The following CPVL variants were observed in gnomAD, a reference collection of about 807,000 sequenced individuals.
The protein encoded by CPVL is carboxypeptidase vitellogenic like.
A neutral mutation model predicts 63.7 loss-of-function variants in CPVL; 51 were observed. That is an observed-to-expected ratio of 0.80 (90% CI 0.64 to 1.01). The LOEUF is 1.01. Among genes scored for constraint, CPVL ranks in the 50% least tolerant of loss-of-function variants. The pLI, the probability that CPVL is intolerant of heterozygous loss-of-function variation, is 0.00. For missense variants in CPVL, 530 were observed against 573.1 expected (o/e 0.92, Z 0.77); for synonymous variants, 195 against 206.0 (o/e 0.95, Z 0.46).
intron 11 of CPVL, among the ~76,000 whole-genome samples, chr7:29,057,328 T>C (rs922388513): frequency 6.6e-6 from 1 of 152,172 alleles, no homozygotes; most frequent in African/African-American, 2.4e-5. Context: ...TTTTCCCATT[T>C]CTAAATTGGG....
At chr7:29,054,309 G>C (rs186494728) in intron 11 of CPVL, among the ~76,000 whole-genome samples, 238 of 152,148 alleles carry the variant, frequency 1.6e-3, no homozygotes, top group South Asian at 0.011. Flanking sequence ...TTCTTTAGAA[G>C]CTCCTTTAGT....
intron 10 of CPVL, among the ~76,000 whole-genome samples, chr7:29,064,735 C>T (rs2128565026): frequency 6.6e-6 from 1 of 152,070 alleles, no homozygotes; most frequent in Non-Finnish European, 1.5e-5. Context: ...TGTTGGTGTG[C>T]TGCACTTATT....
At chr7:29,058,095 T>A (rs1400420250) in intron 11 of CPVL, among the ~76,000 whole-genome samples, 1 of 152,164 alleles carries the variant, frequency 6.6e-6, no homozygotes, top group Non-Finnish European at 1.5e-5. Flanking sequence ...GTATTGAATC[T>A]ATGGATCAAG....
chr7:29,091,193 GACC>G (rs1371168284), intron 6 of CPVL, among the ~76,000 whole-genome samples: 1 of 152,168 alleles, frequency 6.6e-6, no homozygotes, highest in Non-Finnish European at 1.5e-5. Context: ...AGAGGAGATG[GACC>G]ACATGTCAGC....
intron 3 of CPVL, among the ~76,000 whole-genome samples, chr7:29,102,073 G>A (rs1787199276): frequency 6.6e-6 from 1 of 152,138 alleles, no homozygotes; most frequent in Non-Finnish European, 1.5e-5. Flanking sequence ...CCATGAGCAG[G>A]CAGAATACTT....
intron 2 of CPVL, chr7:29,186,379 C>G (rs574699472): frequency 2.6e-5 from 4 of 152,256 alleles, no homozygotes; most frequent in Non-Finnish European, 5.9e-5. Context: ...GCCCAGGAGT[C>G]TGAGACAAGC....
At chr7:29,109,315 C>A (rs149569147) in intron 3 of CPVL, among the ~76,000 whole-genome samples, 93 of 152,290 alleles carry the variant, frequency 6.1e-4, no homozygotes, top group African/African-American at 2.2e-3. Flanking sequence ...ATTTAAGAAA[C>A]AGCATCCCCC....
intron 1 of CPVL, among the ~76,000 whole-genome samples, chr7:29,137,294 C>T (rs1169579935): frequency 6.6e-6 from 1 of 152,168 alleles, no homozygotes; most frequent in Non-Finnish European, 1.5e-5. Context: ...AAATCTGGCC[C>T]TCCGTGGAGT....
intron 11 of CPVL, among the ~76,000 whole-genome samples, chr7:29,059,471 T>A (rs1262392314): frequency 6.6e-6 from 1 of 152,126 alleles, no homozygotes; most frequent in Admixed American, 6.5e-5. Flanking sequence ...CAATCCAAAT[T>A]CAACAATACA....
intron 9 of CPVL, among the ~76,000 whole-genome samples, chr7:29,069,059 T>G (rs1260298978): frequency 1.3e-5 from 2 of 152,132 alleles, no homozygotes; most frequent in Non-Finnish European, 2.9e-5. Context: ...ACATCATTTT[T>G]GGAACTCATT....
chr7:29,112,961 C>T (rs1048992712), intron 2 of CPVL, 139 bp from the exon 3 acceptor site: 1 of 606,488 alleles, frequency 1.6e-6, no homozygotes, highest in African/African-American at 1.8e-5. Context: ...GTTCCTTCAG[C>T]AAATTCCAGC....
intron 11 of CPVL, among the ~76,000 whole-genome samples, chr7:29,051,321 A>G (rs1790135470): frequency 6.6e-6 from 1 of 152,246 alleles, no homozygotes; most frequent in South Asian, 2.1e-4. Context: ...GACAACCCAC[A>G]GAGTGGGAGA....
At chr7:29,040,099 G>C (rs1238858960) in intron 11 of CPVL, among the ~76,000 whole-genome samples, 1 of 151,996 alleles carries the variant, frequency 6.6e-6, no homozygotes, top group South Asian at 2.1e-4. Context: ...TTTTTTAAGG[G>C]AATTTTCCCT....
At chr7:29,043,115 C>A (rs1789281100) in intron 11 of CPVL, among the ~76,000 whole-genome samples, 1 of 152,178 alleles carries the variant, frequency 6.6e-6, no homozygotes, top group Non-Finnish European at 1.5e-5. Flanking sequence ...TAATTCCCAC[C>A]TGTTGTTATC....
At chr7:29,096,576 A>C in intron 3 of CPVL, 1 of 271,174 alleles carries the variant, frequency 3.7e-6, no homozygotes, top group East Asian at 6.8e-5. Context: ...AAAATTTGGG[A>C]CTCTTCCATT....
intron 7 of CPVL, among the ~76,000 whole-genome samples, chr7:29,077,791 C>T (rs773545146): frequency 5.9e-5 from 9 of 152,138 alleles, no homozygotes; most frequent in Admixed American, 3.3e-4. Flanking sequence ...AGCTTCAATG[C>T]CTCACAGAGA....
rs187536298 is a variant in CPVL, at chr7:29,084,682, A to C, written c.609+1802T>G. On this transcript the variant is annotated intron_variant, in intron 7 of 12. Transcript: ENST00000265394. Reference sequence around the variant, plus strand: ...AAAAGGATGAAAAAAGCAAACCCTAAAACTGAAACCAACATAGACAAATGA... The same window carrying C: ...AAAAGGATGAAAAAAGCAAACCCTACAACTGAAACCAACATAGACAAATGA... Among the ~76,000 whole-genome samples, 32 of 152,346 alleles carry C rather than the reference A, an allele frequency of 2.1e-4. No homozygotes were observed. The East Asian group carries it at 6.0e-3, about 28-fold the overall frequency.
intron 3 of CPVL, among the ~76,000 whole-genome samples, chr7:29,103,248 GTTTT>G (rs71555783): frequency 1.0e-5 from 1 of 96,156 alleles, no homozygotes; most frequent in African/African-American, 3.7e-5. Flanking sequence ...TTGTTGTTTT[GTTTT>G]TTTTTTTTTT....
chr7:29,147,187 G>A (rs1199841295), upstream of CPVL: 1 of 580,912 alleles, frequency 1.7e-6, no homozygotes, highest in Non-Finnish European at 2.9e-6. Flanking sequence ...GACAGTACGG[G>A]AGCAAGAACT....
Sources: allele counts gnomAD v4.1 joint callset (sites outside exome capture counted in the v4.1 genomes callset), GRCh38; gene constraint gnomAD v4.1.1; transcripts MANE v1.5; gene names NCBI Gene and HGNC (gene_info 2026-07-23, HGNC 2026-07-21).